Variants in ERC2 observed in about 807,000 individuals in gnomAD.
ERC2 encodes ELKS/RAB6-interacting/CAST family member 2, also known as ERC protein 2.
In ERC2, 42 loss-of-function variants were observed where a neutral mutation model predicts 114.8. The ratio of observed to expected loss-of-function variants is 0.37; its 90% CI spans 0.29 to 0.47. The LOEUF is 0.47. Ranked by LOEUF, ERC2 falls within the 20% of genes least tolerant of loss-of-function variation. The probability of loss-of-function intolerance (pLI) is 0.99; values close to 1 mark genes in which losing one functional copy is unlikely to be tolerated. For synonymous variants in ERC2, 454 were observed against 425.5 expected (o/e 1.07, Z -0.82); for missense variants, 939 against 1,150.7 (o/e 0.82, Z 2.66).
intron 14 of ERC2, among the ~76,000 whole-genome samples, chr3:55,832,488 A>G (rs532173935): frequency 6.6e-4 from 100 of 152,368 alleles, no homozygotes; most frequent in Non-Finnish European, 1.1e-3. Flanking sequence ...GCGGATACCC[A>G]GGCAAACAGG....
rs17055428 is a variant in ERC2 at position 55,528,074 on chromosome 3, A to G, written c.*40-16798T>C. Among the ~76,000 whole-genome samples, 2,036 of 152,330 alleles carry G rather than the reference A, an allele frequency of 0.013. 127 individuals are homozygous for G. In the South Asian group the frequency reaches 0.16, roughly 12 times the overall value. On this transcript the variant is annotated intron_variant, in intron 17 of 17. Coordinates refer to ENST00000288221, the MANE Select transcript of ERC2 (RefSeq NM_015576.3). Reference sequence around the variant, plus strand: ...AAAGGGCTTCATAAGCAGCACTGATATTAAAAAGGATGAAGCAAAATATGA... The same window carrying G: ...AAAGGGCTTCATAAGCAGCACTGATGTTAAAAAGGATGAAGCAAAATATGA...
At chr3:55,928,580 T>C (rs772819329) in intron 13 of ERC2, among the ~76,000 whole-genome samples, 3 of 152,182 alleles carry the variant, frequency 2.0e-5, no homozygotes, top group Non-Finnish European at 4.4e-5. Context: ...CTTTGTTGAT[T>C]GTTTCCCTTG....
chr3:56,389,139 A>C (rs530643663), intron 2 of ERC2, among the ~76,000 whole-genome samples: 18 of 152,304 alleles, frequency 1.2e-4, no homozygotes, highest in Non-Finnish European at 2.1e-4. Context: ...AAAAGCAAAA[A>C]ATATAAGCCA....
At chr3:56,216,786 G>A (rs909007720) in intron 3 of ERC2, among the ~76,000 whole-genome samples, 1 of 152,118 alleles carries the variant, frequency 6.6e-6, no homozygotes, top group African/African-American at 2.4e-5. Context: ...CAAAAAGCTT[G>A]TCCACCATGA....
At chr3:55,944,426 T>C (rs192209977) in intron 13 of ERC2, among the ~76,000 whole-genome samples, 6 of 152,298 alleles carry the variant, frequency 3.9e-5, no homozygotes, top group Admixed American at 1.3e-4. Context: ...AGAAAGCCTA[T>C]ATGAAGTGGA....
chr3:55,546,344 T>A (rs1315117483), intron 17 of ERC2, among the ~76,000 whole-genome samples: 1 of 152,088 alleles, frequency 6.6e-6, no homozygotes, highest in Non-Finnish European at 1.5e-5. Flanking sequence ...GTTTAAATCA[T>A]TTCCCAGTGA....
intron 6 of ERC2, among the ~76,000 whole-genome samples, chr3:56,104,011 A>G (rs2078507942): frequency 6.6e-6 from 1 of 152,216 alleles, no homozygotes; most frequent in African/African-American, 2.4e-5. Context: ...CAACCAGTGA[A>G]TATTTGTCAG....
intron 3 of ERC2, among the ~76,000 whole-genome samples, chr3:56,191,662 AG>A (rs2047792875): frequency 1.3e-5 from 2 of 152,130 alleles, no homozygotes; most frequent in African/African-American, 2.4e-5. Flanking sequence ...ACCGTTTCCT[AG>A]AAAGATGTTG....
intron 3 of ERC2, among the ~76,000 whole-genome samples, chr3:56,282,048 G>T (rs1350325299): frequency 6.6e-6 from 1 of 152,166 alleles, no homozygotes; most frequent in Non-Finnish European, 1.5e-5. Context: ...GCTGAGCCAA[G>T]CCTGTGCAAA....
chr3:56,197,911 A>G (rs1196619459), intron 3 of ERC2, among the ~76,000 whole-genome samples: 2 of 152,232 alleles, frequency 1.3e-5, no homozygotes, highest in Non-Finnish European at 2.9e-5. Context: ...GACTTCAAGT[A>G]TTAGGAGTCA....
intron 17 of ERC2, among the ~76,000 whole-genome samples, chr3:55,674,027 C>T (rs2061676811): frequency 6.6e-6 from 1 of 152,116 alleles, no homozygotes; most frequent in Non-Finnish European, 1.5e-5. Context: ...CAAGAACAAA[C>T]CCAATGGGCA....
At chr3:56,308,144 C>T (rs560349444) in intron 2 of ERC2, among the ~76,000 whole-genome samples, 1 of 152,292 alleles carries the variant, frequency 6.6e-6, no homozygotes, top group Admixed American at 6.5e-5. Flanking sequence ...AAGCTGCCAA[C>T]ACTATGTCCA....
intron 2 of ERC2, among the ~76,000 whole-genome samples, chr3:56,425,027 G>A (rs536570082): frequency 6.6e-6 from 1 of 152,126 alleles, no homozygotes; most frequent in Admixed American, 6.6e-5. Flanking sequence ...AACATTTGGA[G>A]AGCAGAGGTG....
chr3:56,301,460 G>A lies in ERC2; in HGVS notation c.658-5025C>T, dbSNP rs866183236. Reference sequence around the variant, plus strand: ...CCTTTTGCTTTACATAATTGAAGACGGGGAGGGGATGTGAAGTAATCTTAT... The same window carrying A: ...CCTTTTGCTTTACATAATTGAAGACAGGGAGGGGATGTGAAGTAATCTTAT... On this transcript the variant is annotated intron_variant, in intron 2 of 17. Coordinates refer to ENST00000288221, the MANE Select transcript of ERC2 (RefSeq NM_015576.3). Among the ~76,000 whole-genome samples the A allele has an allele frequency of 7.2e-5, 11 of 152,054 alleles. No homozygotes were observed. The Middle Eastern group carries it at 0.01, about 142-fold the overall frequency.
At chr3:56,115,366 C>T (rs552280084) in intron 6 of ERC2, among the ~76,000 whole-genome samples, 16 of 152,248 alleles carry the variant, frequency 1.1e-4, no homozygotes, top group Non-Finnish European at 2.2e-4. Flanking sequence ...ATCCCCTCCT[C>T]GAAGGTGAGA....
At chr3:56,108,989 A>T (rs536313476) in intron 6 of ERC2, among the ~76,000 whole-genome samples, 6 of 152,362 alleles carry the variant, frequency 3.9e-5, no homozygotes, top group African/African-American at 1.4e-4. Context: ...ACTTAAATTC[A>T]TGCTTTGTAA....
chr3:56,003,520 A>G (rs1343640382), intron 10 of ERC2, among the ~76,000 whole-genome samples: 2 of 152,146 alleles, frequency 1.3e-5, no homozygotes, highest in African/African-American at 4.8e-5. Flanking sequence ...AAAGATGGTA[A>G]TAATAAAAGA....
At chr3:55,744,918 T>G (rs1305610059) in intron 14 of ERC2, among the ~76,000 whole-genome samples, 2 of 152,208 alleles carry the variant, frequency 1.3e-5, no homozygotes, top group Non-Finnish European at 2.9e-5. Context: ...GTGCCTGAGA[T>G]GACCACACAA....
intron 10 of ERC2, among the ~76,000 whole-genome samples, chr3:55,997,946 G>A (rs1469563571): frequency 7.8e-4 from 6 of 7,696 alleles, no homozygotes; most frequent in Non-Finnish European, 1.4e-3. Context: ...TTTTTTTTTT[G>A]GTAGAGATGG....
Sources: gnomAD v4.1 joint callset for allele counts (sites outside exome capture counted in the v4.1 genomes callset) on GRCh38, gnomAD v4.1.1 for gene constraint, MANE v1.5 for transcripts, NCBI Gene and HGNC (gene_info 2026-07-23, HGNC 2026-07-21) for gene names.